The following MTA3 variants were observed in gnomAD, a reference collection of about 807,000 sequenced individuals.
MTA3 encodes the protein metastasis associated 1 family member 3, also known as metastasis-associated protein MTA3.
In MTA3, 34 loss-of-function variants were observed where a neutral mutation model predicts 83.5. That is an observed-to-expected ratio of 0.41 (90% CI 0.31 to 0.54). The LOEUF (loss-of-function observed/expected upper bound fraction) is 0.54, where lower values mean the gene tolerates loss of function less well. MTA3 is among the 20% of genes least tolerant of loss of function. The probability of loss-of-function intolerance (pLI) is 0.33; values close to 1 mark genes in which losing one functional copy is unlikely to be tolerated. For synonymous variants in MTA3, 303 were observed against 252.7 expected, an observed-to-expected ratio of 1.20 and a Z score of -1.89; for missense variants, 761 against 726.4, an observed-to-expected ratio of 1.05 and a Z score of -0.55.
At chr2:42,526,929 C>A (rs1028195649) in intron 2 of MTA3, among the ~76,000 whole-genome samples, 1 of 151,724 alleles carries the variant, frequency 6.6e-6, no homozygotes, top group African/African-American at 2.4e-5. Flanking sequence ...TGATGCTTGC[C>A]TGTAGTCCCA....
At chr2:42,670,931 A>G (rs888395329) in intron 8 of MTA3, among the ~76,000 whole-genome samples, 1 of 152,186 alleles carries the variant, frequency 6.6e-6, no homozygotes, top group Non-Finnish European at 1.5e-5. Flanking sequence ...TGTCTAATCT[A>G]GAGACTTTAT....
At chr2:42,632,457 TGA>T (rs1425581511) in intron 4 of MTA3, among the ~76,000 whole-genome samples, 1 of 152,138 alleles carries the variant, frequency 6.6e-6, no homozygotes, top group East Asian at 1.9e-4. Context: ...GTGGAACCTC[TGA>T]GAGATTTTCC....
At chr2:42,626,006 A>G (rs1250700728) in intron 4 of MTA3, among the ~76,000 whole-genome samples, 1 of 144,048 alleles carries the variant, frequency 6.9e-6, no homozygotes, top group Non-Finnish European at 1.5e-5. Context: ...GCAGTGGCGC[A>G]ATCTCGGCTC....
At chr2:42,515,475 C>A (rs949927590) in intron 2 of MTA3, among the ~76,000 whole-genome samples, 1 of 152,092 alleles carries the variant, frequency 6.6e-6, no homozygotes, top group African/African-American at 2.4e-5. Flanking sequence ...TGTGCTGCTG[C>A]ATGCAGCTTC....
At chr2:42,496,302 T>C (rs947870781) in intron 2 of MTA3, among the ~76,000 whole-genome samples, 2 of 152,334 alleles carry the variant, frequency 1.3e-5, no homozygotes, top group Admixed American at 6.5e-5. Context: ...TATTTTTATT[T>C]GATTTTAATA....
intron 16 of MTA3, among the ~76,000 whole-genome samples, chr2:42,733,287 G>A (rs1573797709): frequency 6.6e-6 from 1 of 152,188 alleles, no homozygotes; most frequent in South Asian, 2.1e-4. Flanking sequence ...GACAGCAAGA[G>A]AAAATGAAGA....
At chr2:42,539,377 G>T (rs1366742811) in intron 2 of MTA3, among the ~76,000 whole-genome samples, 1 of 152,032 alleles carries the variant, frequency 6.6e-6, no homozygotes, top group East Asian at 1.9e-4. Context: ...AAGAATGAGA[G>T]CTGAGCAAAG....
intron 2 of MTA3, among the ~76,000 whole-genome samples, chr2:42,519,568 T>A (rs1312669737): frequency 6.6e-6 from 1 of 150,484 alleles, no homozygotes; most frequent in Non-Finnish European, 1.5e-5. Context: ...ATGGCACCAC[T>A]GCACTCCAGC....
At chr2:42,669,972 T>G (rs1291990028) in intron 8 of MTA3, among the ~76,000 whole-genome samples, 1 of 152,184 alleles carries the variant, frequency 6.6e-6, no homozygotes, top group East Asian at 1.9e-4. Context: ...TGGTTATAAT[T>G]TCTTAAAACT....
chr2:42,540,994 C>T (rs939089909), intron 2 of MTA3, among the ~76,000 whole-genome samples: 1 of 151,690 alleles, frequency 6.6e-6, no homozygotes, highest in Non-Finnish European at 1.5e-5. Context: ...CATGATGGTA[C>T]AAAAGCCATA....
intron 4 of MTA3, among the ~76,000 whole-genome samples, chr2:42,624,575 C>G (rs1377704725): frequency 6.6e-6 from 1 of 152,190 alleles, no homozygotes; most frequent in African/African-American, 2.4e-5. Context: ...ATCCACCTGC[C>G]TCGGCCTCCC....
upstream of MTA3, among the ~76,000 whole-genome samples, chr2:42,567,715 G>C (rs915336563): frequency 7.3e-5 from 11 of 151,712 alleles, no homozygotes; most frequent in African/African-American, 2.7e-4. Context: ...GAATTGGCCT[G>C]GGACAATAAC....
chr2:42,628,687 T>A (rs1686368762), intron 4 of MTA3, among the ~76,000 whole-genome samples: 1 of 151,928 alleles, frequency 6.6e-6, no homozygotes, highest in African/African-American at 2.4e-5. Flanking sequence ...GCTCACTGAA[T>A]AAAAATACCA....
chr2:42,711,952 T>G (rs1666658158), intron 14 of MTA3, among the ~76,000 whole-genome samples: 1 of 152,192 alleles, frequency 6.6e-6, no homozygotes, highest in African/African-American at 2.4e-5. Flanking sequence ...AAAATATTGA[T>G]GGATCTAGAG....
intron 3 of MTA3, among the ~76,000 whole-genome samples, chr2:42,579,415 C>A (rs1679378059): frequency 1.5e-5 from 2 of 136,906 alleles, no homozygotes; most frequent in East Asian, 2.1e-4. Context: ...AATTTTATAT[C>A]TATATATATA....
intron 16 of MTA3, among the ~76,000 whole-genome samples, chr2:42,743,323 A>C (rs1669174747): frequency 6.6e-6 from 1 of 152,230 alleles, no homozygotes; most frequent in African/African-American, 2.4e-5. Flanking sequence ...GCCTTGAGAA[A>C]GACTTCTTGT....
intron 2 of MTA3, among the ~76,000 whole-genome samples, chr2:42,538,001 G>A (rs888444559): frequency 2.0e-5 from 3 of 152,098 alleles, no homozygotes; most frequent in African/African-American, 7.2e-5. Flanking sequence ...GGGTGGCCGA[G>A]GCAGGCAGAT....
intron 2 of MTA3, among the ~76,000 whole-genome samples, chr2:42,535,341 G>A (rs1253493215): frequency 6.6e-6 from 1 of 151,988 alleles, no homozygotes; most frequent in African/African-American, 2.4e-5. Flanking sequence ...GAGCCAAGAT[G>A]GTGCCATTGC....
At chr2:42,647,674 T>C (rs1688342378) in intron 6 of MTA3, among the ~76,000 whole-genome samples, 1 of 152,184 alleles carries the variant, frequency 6.6e-6, no homozygotes, top group South Asian at 2.1e-4. Flanking sequence ...AGTATTCATC[T>C]CTAACAAAAA....
Sources: gnomAD v4.1 joint callset for allele counts (sites outside exome capture counted in the v4.1 genomes callset) on GRCh38, gnomAD v4.1.1 for gene constraint, MANE v1.5 for transcripts, NCBI Gene and HGNC (gene_info 2026-07-23, HGNC 2026-07-21) for gene names.